Variants in UGP2 observed in about 807,000 individuals in gnomAD.
The protein encoded by UGP2 is UDP-glucose pyrophosphorylase 2, also known as UTP--glucose-1-phosphate uridylyltransferase.
Under a neutral mutation model 49.0 loss-of-function variants are expected in UGP2, and 40 were observed. The observed-to-expected ratio is 0.82, with a 90% confidence interval of 0.63 to 1.06. The LOEUF (loss-of-function observed/expected upper bound fraction) is 1.06, where lower values mean the gene tolerates loss of function less well. Among genes scored for constraint, UGP2 ranks in the 50% least tolerant of loss-of-function variants. The pLI is 0.00. For missense variants in UGP2, 460 were observed against 603.5 expected (o/e 0.76, Z 2.49); for synonymous variants, 225 against 213.0 (o/e 1.06, Z -0.49).
chr2:63,856,075 C>T (rs1485771449), intron 1 of UGP2: 3 of 402,126 alleles, frequency 7.5e-6, no homozygotes, highest in Non-Finnish European at 1.3e-5. Flanking sequence ...GAAGTAGAGG[C>T]ACCTTGGAAT....
Position 63,886,550 on chromosome 2 carries a change from T to G in UGP2, c.1071+12T>G, listed in dbSNP as rs754428367. ...TTGTGAATGCAAAGGTAAGCCAAGGTTGTGGCCCATTGAGCTTCCTGGTTC... is the reference window on the plus strand; with the variant it reads ...TTGTGAATGCAAAGGTAAGCCAAGGGTGTGGCCCATTGAGCTTCCTGGTTC... On this transcript the variant is annotated intron_variant, in intron 7 of 9. Transcript: ENST00000337130. 1 of 1,613,488 alleles carries G rather than the reference T, an allele frequency of 6.2e-7. No individual in the cohort carries two copies. Among genetic ancestry groups the G allele is most frequent in the Non-Finnish European group, 8.5e-7 (1 of 1,179,926 alleles).
At chr2:63,878,765 C>T (rs1427453176) in intron 3 of UGP2, among the ~76,000 whole-genome samples, 4 of 152,074 alleles carry the variant, frequency 2.6e-5, no homozygotes, top group African/African-American at 4.8e-5. Context: ...AAGGTCTCAC[C>T]ATATTGCCCA....
At chr2:63,885,948 T>TA in intron 6 of UGP2, 62 bp downstream of exon 6, 1 of 1,475,184 alleles carries the variant, frequency 6.8e-7, no homozygotes, top group Non-Finnish European at 9.0e-7. Context: ...GTTATGAAGT[T>TA]AAAGACTTTT....
intron 3 of UGP2, among the ~76,000 whole-genome samples, chr2:63,863,106 C>G (rs961839179): frequency 6.6e-6 from 1 of 152,098 alleles, no homozygotes; most frequent in Admixed American, 6.6e-5. Flanking sequence ...CAGCTGACTT[C>G]TATAAAAAGG....
Position 63,856,373 on chromosome 2 carries a change from A to AT in UGP2, c.89dup (p.Leu30PhefsTer18). ...AAGAAGTCATTCGGCAAGAGCTAGA[A>AT]TTATCTGTGAAGAAGGAACTAGAAA... is the stretch of plus-strand genomic sequence containing the variant. On this transcript the variant is annotated frameshift_variant, in exon 2 of 10. Transcript: ENST00000337130. LOFTEE classifies it high-confidence loss of function. The AT allele has an allele frequency of 6.2e-7, 1 of 1,613,928 alleles. No individual in the cohort carries two copies. The highest frequency in any genetic ancestry group is 1.3e-5 in the African/African-American group (1 of 75,038).
At chr2:63,856,164 A>G in intron 1 of UGP2, 142 bp from the exon 2 acceptor site, 1 of 988,408 alleles carries the variant, frequency 1.0e-6, no homozygotes, top group Non-Finnish European at 1.5e-6. Context: ...AGTTGACACC[A>G]CTGAATTACT....
intron 1 of UGP2, among the ~76,000 whole-genome samples, chr2:63,848,627 G>A (rs1391540583): frequency 6.6e-6 from 1 of 152,210 alleles, no homozygotes; most frequent in Non-Finnish European, 1.5e-5. Context: ...CTCCCAAAGT[G>A]CTGGGATTAC....
At chr2:63,867,289 G>C (rs1398577004) in intron 3 of UGP2, among the ~76,000 whole-genome samples, 1 of 152,106 alleles carries the variant, frequency 6.6e-6, no homozygotes, top group African/African-American at 2.4e-5. Flanking sequence ...ATGGCAGTGA[G>C]ATAAAAAGGC....
rs374269858 is a variant in UGP2 at position 63,891,233 on chromosome 2, A to C, written c.*6A>C. ...TTCGCATCTTGGACCACTGAAATGA[A>C]AAATACTGTGGACACTTAAATAATG... On this transcript the variant is annotated 3_prime_UTR_variant, in exon 10 of 10. Coordinates refer to ENST00000337130, the MANE Select transcript of UGP2 (RefSeq NM_006759.4). The C allele has an allele frequency of 6.8e-6, 11 of 1,606,094 alleles. No individual in the cohort carries two copies. Among genetic ancestry groups the C allele is most frequent in the African/African-American group, 1.3e-5 (1 of 74,754 alleles).
At chr2:63,884,125 G>C (rs1176775154) in intron 5 of UGP2, 32 bp downstream of exon 5, 1 of 1,607,900 alleles carries the variant, frequency 6.2e-7, no homozygotes. Context: ...CTCTGGGTAT[G>C]TTACTCCTGG....
chr2:63,855,624 C>T (rs928333809), intron 1 of UGP2: 1 of 423,786 alleles, frequency 2.4e-6, no homozygotes, highest in Admixed American at 2.6e-5. Flanking sequence ...TCACTGCAGC[C>T]TCTGCCTCCT....
At chr2:63,886,016 G>A (rs960665941) in intron 6 of UGP2, 130 bp downstream of exon 6, 38 of 1,070,668 alleles carry the variant, frequency 3.5e-5, no homozygotes, top group Admixed American at 2.8e-4. Flanking sequence ...TGACATAATA[G>A]TATGTATCAT....
At chr2:63,874,609 C>T (rs1334684843) in intron 3 of UGP2, among the ~76,000 whole-genome samples, 3 of 152,116 alleles carry the variant, frequency 2.0e-5, no homozygotes, top group Non-Finnish European at 2.9e-5. Context: ...TCAGATGTAT[C>T]TGAGAGTGCA....
chr2:63,848,991 A>G (rs1282472209), intron 1 of UGP2, among the ~76,000 whole-genome samples: 1 of 152,208 alleles, frequency 6.6e-6, no homozygotes, highest in Admixed American at 6.5e-5. Flanking sequence ...ACAATTAAGG[A>G]TTGTTTTTGA....
intron 2 of UGP2, 41 bp from the exon 3 acceptor site, chr2:63,857,788 A>C: frequency 1.3e-6 from 2 of 1,526,444 alleles, no homozygotes; most frequent in Non-Finnish European, 1.8e-6. Flanking sequence ...ATTAAATATT[A>C]AGCATTCTGC....
intron 3 of UGP2, among the ~76,000 whole-genome samples, chr2:63,880,888 C>G (rs1671259277): frequency 6.6e-6 from 1 of 152,166 alleles, no homozygotes; most frequent in Non-Finnish European, 1.5e-5. Flanking sequence ...CCCTGGAGTG[C>G]CCACAGGCCT....
At chr2:63,858,579 T>C (rs1669612108) in intron 3 of UGP2, among the ~76,000 whole-genome samples, 1 of 152,106 alleles carries the variant, frequency 6.6e-6, no homozygotes, top group South Asian at 2.1e-4. Context: ...CTGAGGAGCC[T>C]CTTATTTTTG....
chr2:63,861,736 T>C (rs570926665), intron 3 of UGP2, among the ~76,000 whole-genome samples: 1 of 149,038 alleles, frequency 6.7e-6, no homozygotes, highest in East Asian at 2.0e-4. Flanking sequence ...CAATATTTAA[T>C]AGGATCAAAA....
At chr2:63,874,757 T>C (rs1050734035) in intron 3 of UGP2, among the ~76,000 whole-genome samples, 3 of 151,814 alleles carry the variant, frequency 2.0e-5, no homozygotes, top group South Asian at 4.2e-4. Flanking sequence ...TCATTAGTTA[T>C]AGTGAGAACT....
Sources: allele counts gnomAD v4.1 joint callset (sites outside exome capture counted in the v4.1 genomes callset), GRCh38; gene constraint gnomAD v4.1.1; transcripts MANE v1.5; gene names NCBI Gene and HGNC (gene_info 2026-07-23, HGNC 2026-07-21).